FAIM: variants seen among roughly 807,000 people sequenced by gnomAD.
FAIM encodes the protein Fas apoptotic inhibitory molecule.
FAIM carries 14 observed loss-of-function variants against 21.2 expected under a neutral mutation model. The ratio of observed to expected loss-of-function variants is 0.66; its 90% CI spans 0.44 to 1.03. The LOEUF (loss-of-function observed/expected upper bound fraction) is 1.03. Among genes scored for constraint, FAIM ranks in the 50% least tolerant of loss-of-function variants. FAIM has a pLI of 0.00. For missense variants in FAIM, 222 were observed against 247.1 expected (o/e 0.90, Z 0.68); for synonymous variants, 86 against 80.4 (o/e 1.07, Z -0.37).
chr3:138,629,339 G>C, intron 5 of FAIM, 183 bp downstream of exon 5: 1 of 497,982 alleles, frequency 2.0e-6, no homozygotes, highest in South Asian at 2.9e-5. Context: ...CTGGTACCGT[G>C]AGTTTGGAAA....
Position 138,621,393 on chromosome 3 carries a change from T to C in FAIM, c.45-14T>C. ...ATTTTGGCCTACTATAATTGCTTTA[T>C]TTTATTCCTTTAGCCCTCCTTACAG... is the stretch of plus-strand genomic sequence containing the variant. On this transcript the variant is annotated splice_polypyrimidine_tract_variant and intron_variant, in intron 2 of 5. Coordinates refer to ENST00000360570, the MANE Select transcript of FAIM (RefSeq NM_001033031.2). 6.2e-7 allele frequency: 1 copy of C among 1,612,854 alleles called. No homozygotes were observed. The highest frequency in any genetic ancestry group is 1.1e-5 in the South Asian group (1 of 90,860).
intron 4 of FAIM, among the ~76,000 whole-genome samples, chr3:138,623,031 C>A (rs1672933): frequency 6.7e-6 from 1 of 148,802 alleles, no homozygotes; most frequent in African/African-American, 2.5e-5. Flanking sequence ...AAGCAAGACT[C>A]CATCTCAAAA....
intron 4 of FAIM, among the ~76,000 whole-genome samples, chr3:138,623,606 T>G (rs923481886): frequency 3.3e-5 from 5 of 152,218 alleles, no homozygotes; most frequent in Admixed American, 2.0e-4. Flanking sequence ...TGGGCTCAAG[T>G]GATCCTCCTG....
At position 138,621,435 on chromosome 3, in the gene FAIM, G is replaced by C. The variant is rs1367553733; in HGVS notation, c.73G>C (p.Asp25His). The change falls in exon 3 of 6, where the codon GAT (aspartate) becomes CAT (histidine). Residue 25 changes from aspartate to histidine, a missense_variant. Transcript: ENST00000360570. ...SPPYSLEKMTDLVAVWDVALS... is the reference protein window; with the variant it reads ...SPPYSLEKMTHLVAVWDVALS... ...TCCTTACAGCCTAGAAAAAATGACA[G>C]ATCTCGTAGCTGTTTGGGATGTTGC... is the stretch of plus-strand genomic sequence containing the variant. 2 of 1,613,958 alleles carry C rather than the reference G, an allele frequency of 1.2e-6. No homozygotes were observed.
chr3:138,633,062 C>G lies in FAIM; in HGVS notation c.589C>G (p.Pro197Ala), dbSNP rs1349351001. 6.2e-7 allele frequency: 1 copy of G among 1,611,246 alleles called. No homozygotes were observed. Among genetic ancestry groups the G allele is most frequent in the Admixed American group, 1.7e-5 (1 of 59,560 alleles). Residue 197 changes from proline (P) to alanine (A), a missense_variant, in exon 6 of 6, where the codon CCA (proline) becomes GCA (alanine). Coordinates refer to ENST00000360570, the MANE Select transcript of FAIM (RefSeq NM_001033031.2). The stretch of plus-strand genomic sequence containing the variant: ...TCTCATTGTGGATAATAGAGAAATC[C>G]CAGAGATTGCAAGTTAATGAATTTT... ...HTLIVDNREI[P>A]EIAS
At chr3:138,625,420 G>A (rs548847028) in intron 4 of FAIM, among the ~76,000 whole-genome samples, 22 of 151,262 alleles carry the variant, frequency 1.5e-4, no homozygotes, top group East Asian at 9.7e-4. Flanking sequence ...CTGAGATTGC[G>A]CCACTGCACT....
chr3:138,616,820 T>A (rs2042830347), intron 1 of FAIM, among the ~76,000 whole-genome samples: 2 of 151,952 alleles, frequency 1.3e-5, no homozygotes. Flanking sequence ...GCAAAGAGAG[T>A]AACAAATTTT....
At chr3:138,610,189 A>C (rs993678656) in intron 1 of FAIM, among the ~76,000 whole-genome samples, 8 of 152,188 alleles carry the variant, frequency 5.3e-5, no homozygotes, top group Admixed American at 3.3e-4. Flanking sequence ...TGAACGAACC[A>C]TTTCAGTCCC....
chr3:138,611,073 C>CAGG, intron 1 of FAIM: 3 of 1,465,360 alleles, frequency 2.0e-6, no homozygotes, highest in Non-Finnish European at 2.9e-6. Context: ...ACATAAGTAC[C>CAGG]CAATAACTAT....
intron 4 of FAIM, among the ~76,000 whole-genome samples, chr3:138,628,638 C>A (rs1330747597): frequency 5.3e-5 from 8 of 152,166 alleles, no homozygotes; most frequent in East Asian, 1.9e-4. Flanking sequence ...GCACCCACCA[C>A]CATGCCCGGC....
intron 4 of FAIM, among the ~76,000 whole-genome samples, chr3:138,623,744 G>A (rs1024261914): frequency 3.9e-5 from 6 of 152,054 alleles, no homozygotes; most frequent in African/African-American, 1.2e-4. Flanking sequence ...CTGCTGCTTT[G>A]TGGCCACCCT....
chr3:138,628,043 A>G (rs566990565), intron 4 of FAIM, among the ~76,000 whole-genome samples: 94 of 151,776 alleles, frequency 6.2e-4, no homozygotes, highest in Non-Finnish European at 1.2e-3. Flanking sequence ...CTCTCCTGCT[A>G]CTCCTGAGGA....
intron 1 of FAIM, among the ~76,000 whole-genome samples, chr3:138,610,241 T>G (rs535733430): frequency 1.3e-5 from 2 of 152,314 alleles, no homozygotes; most frequent in East Asian, 3.9e-4. Flanking sequence ...TCAGGTGGAT[T>G]AGATGAACAG....
chr3:138,609,593 A>ATCTCTCCCTCTCTCCCTCTCTCC (rs2042742162), intron 1 of FAIM, among the ~76,000 whole-genome samples: 1 of 26,782 alleles, frequency 3.7e-5, no homozygotes, highest in Non-Finnish European at 5.8e-5. Context: ...CTCTCTCTCG[A>ATCTCTCCCTCTCTCCCTCTCTCC]CTCTCTCTCT....
intron 1 of FAIM, among the ~76,000 whole-genome samples, chr3:138,617,358 G>T: frequency 6.8e-6 from 1 of 146,862 alleles, no homozygotes; most frequent in African/African-American, 2.5e-5. Flanking sequence ...TATGCTGTTT[G>T]GCTTATTTTT....
chr3:138,621,887 A>G (rs187548091), intron 3 of FAIM, among the ~76,000 whole-genome samples: 79 of 152,052 alleles, frequency 5.2e-4, no homozygotes, highest in African/African-American at 1.8e-3. Context: ...TGTTTAAGCT[A>G]TTCTCCTGCC....
intron 1 of FAIM, among the ~76,000 whole-genome samples, chr3:138,613,348 T>G (rs2042791668): frequency 6.6e-6 from 1 of 151,982 alleles, no homozygotes; most frequent in Non-Finnish European, 1.5e-5. Flanking sequence ...TGGGTTGTCT[T>G]TTGTGTTTAT....
chr3:138,616,655 A>G (rs2042828373), intron 1 of FAIM, among the ~76,000 whole-genome samples: 1 of 152,084 alleles, frequency 6.6e-6, no homozygotes, highest in Admixed American at 6.6e-5. Context: ...CACCATGCAC[A>G]CTCCAAGGAG....
intron 1 of FAIM, among the ~76,000 whole-genome samples, chr3:138,609,574 CT>C (rs1391599466): frequency 4.2e-3 from 384 of 90,834 alleles, no homozygotes; most frequent in African/African-American, 6.0e-3. Context: ...CTCTCTCTCT[CT>C]CGACTCTCTC....
Sources: gnomAD v4.1 joint callset for allele counts (sites outside exome capture counted in the v4.1 genomes callset) on GRCh38, gnomAD v4.1.1 for gene constraint, MANE v1.5 for transcripts, NCBI Gene and HGNC (gene_info 2026-07-23, HGNC 2026-07-21) for gene names.